The following LRRN1 variants were observed in gnomAD, a reference collection of about 807,000 sequenced individuals.
LRRN1 encodes leucine-rich repeat neuronal protein 1.
LRRN1 carries 14 observed loss-of-function variants against 45.8 expected under a neutral mutation model. The ratio of observed to expected loss-of-function variants is 0.31; its 90% CI spans 0.20 to 0.48. The LOEUF is 0.48. Ranked by LOEUF, LRRN1 falls within the 20% of genes least tolerant of loss-of-function variation. LRRN1 has a pLI of 0.99. For synonymous variants in LRRN1, 359 were observed against 330.1 expected, an observed-to-expected ratio of 1.09 and a Z score of -0.95; for missense variants, 789 against 874.2, an observed-to-expected ratio of 0.90 and a Z score of 1.23.
At chr3:3,829,987 A>G (rs1323743563) in intron 1 of LRRN1, among the ~76,000 whole-genome samples, 3 of 152,080 alleles carry the variant, frequency 2.0e-5, no homozygotes, top group Non-Finnish European at 1.5e-5. Flanking sequence ...CAAATTGGGC[A>G]CTCAGCAGTG....
At chr3:3,802,949 G>T (rs374424343) in intron 1 of LRRN1, among the ~76,000 whole-genome samples, 2 of 152,074 alleles carry the variant, frequency 1.3e-5, no homozygotes, top group East Asian at 3.9e-4. Context: ...TGAAAGGACA[G>T]ATTAGAACTC....
At chr3:3,828,148 A>G (rs1443119352) in intron 1 of LRRN1, among the ~76,000 whole-genome samples, 1 of 145,090 alleles carries the variant, frequency 6.9e-6, no homozygotes, top group Non-Finnish European at 1.5e-5. Context: ...ATATATATAT[A>G]TATATTATAT....
At chr3:3,812,730 G>A (rs1238967013) in intron 1 of LRRN1, among the ~76,000 whole-genome samples, 2 of 151,280 alleles carry the variant, frequency 1.3e-5, no homozygotes, top group African/African-American at 2.4e-5. Context: ...CATATGCCAA[G>A]TCGGGCACAC....
At chr3:3,832,819 T>C (rs1238574880) in intron 1 of LRRN1, among the ~76,000 whole-genome samples, 1 of 152,238 alleles carries the variant, frequency 6.6e-6, no homozygotes, top group African/African-American at 2.4e-5. Context: ...GTTTTCTGTT[T>C]GTGTAATTTA....
rs1421418001 is a variant in LRRN1, at chr3:3,845,571, C to G, written c.930C>G (p.Asn310Lys). The G allele has an allele frequency of 3.1e-6, 5 of 1,614,112 alleles. No individual in the cohort carries two copies. Among genetic ancestry groups the G allele is most frequent in the Admixed American group, 1.7e-5 (1 of 60,016 alleles). The change falls in exon 2 of 2, where the codon AAC (asparagine) becomes AAG (lysine). Residue 310 changes from asparagine to lysine, a missense_variant. Asn to Lys is a moderately conservative substitution (Grantham distance 94, BLOSUM62 0). Transcript: ENST00000319331. This position sits in a 1 kb window ranked among gnomAD's most constrained non-coding sequence, Gnocchi z 6.5. ...CTGTCGACCGCTATGCCCTGGATAA[C>G]TTGCCTGAACTCACAAAGCTGGAAG... ...LVSVDRYALD[N>K]LPELTKLEAT...
intron 1 of LRRN1, among the ~76,000 whole-genome samples, chr3:3,835,833 T>A (rs1249355116): frequency 6.6e-6 from 1 of 151,448 alleles, no homozygotes; most frequent in Non-Finnish European, 1.5e-5. Flanking sequence ...AATTTTATAC[T>A]CAGAACAGAG....
chr3:3,821,728 T>C (rs1020299534), intron 1 of LRRN1, among the ~76,000 whole-genome samples: 2 of 152,178 alleles, frequency 1.3e-5, no homozygotes, highest in East Asian at 1.9e-4. Flanking sequence ...TTTTGCTAAA[T>C]TGCAAGGTTT....
rs184874250 is a variant in LRRN1, at chr3:3,816,026, C to T, written c.-279+16107C>T. 2.6e-4 allele frequency among the ~76,000 whole-genome samples: 39 copies of T among 152,180 alleles called. 1 individual carries two copies. In the East Asian group the frequency reaches 7.3e-3, roughly 29 times the overall value. ...GGTAAGCCAATAAAGATGATCTTATCATAGCATTGGATTCTTTTGTATTTT... is the reference window on the plus strand; with the variant it reads ...GGTAAGCCAATAAAGATGATCTTATTATAGCATTGGATTCTTTTGTATTTT... On this transcript the variant is annotated intron_variant, in intron 1 of 1. Transcript: ENST00000319331. This position sits in a 1 kb window ranked among gnomAD's most constrained non-coding sequence, Gnocchi z 4.0.
In LRRN1 at chr3:3,845,756, C is replaced by G; in HGVS notation, c.1115C>G (p.Pro372Arg). Reference protein sequence around the residue: ...NLREISIHSNPLRCDCVIHWI... With the variant: ...NLREISIHSNRLRCDCVIHWI... ...CGTGAGATCAGTATCCATAGCAATCCCCTCAGGTGTGACTGTGTGATCCAC... is the reference window on the plus strand; with the variant it reads ...CGTGAGATCAGTATCCATAGCAATCGCCTCAGGTGTGACTGTGTGATCCAC... The change falls in exon 2 of 2, where the codon CCC (proline) becomes CGC (arginine). Residue 372 changes from proline to arginine, a missense_variant. By Grantham distance (103) the Pro-to-Arg change is moderately radical. Coordinates refer to ENST00000319331, the MANE Select transcript of LRRN1 (RefSeq NM_020873.7). This position sits in a 1 kb window ranked among gnomAD's most constrained non-coding sequence, Gnocchi z 6.5. The G allele has an allele frequency of 6.2e-7, 1 of 1,614,078 alleles. No homozygotes were observed. Among genetic ancestry groups the G allele is most frequent in the South Asian group, 1.1e-5 (1 of 91,076 alleles).
At chr3:3,819,024 C>T (rs953047206) in intron 1 of LRRN1, among the ~76,000 whole-genome samples, 3 of 151,542 alleles carry the variant, frequency 2.0e-5, no homozygotes, top group Admixed American at 2.0e-4. Context: ...ACAAGAGTCT[C>T]ACTCTTTCAC....
At chr3:3,839,408 A>G (rs1335458260) in intron 1 of LRRN1, among the ~76,000 whole-genome samples, 3 of 152,148 alleles carry the variant, frequency 2.0e-5, no homozygotes, top group Non-Finnish European at 2.9e-5. Context: ...TACAGTATGT[A>G]TTGAAATCAA....
intron 1 of LRRN1, among the ~76,000 whole-genome samples, chr3:3,802,040 G>C (rs184696768): frequency 1.3e-5 from 2 of 152,320 alleles, no homozygotes; most frequent in Non-Finnish European, 2.9e-5. Context: ...AGCTGAGAAT[G>C]TCCACTGTCT....
chr3:3,844,633 C>G lies in LRRN1; in HGVS notation c.-9C>G. 4 of 1,600,394 alleles carry G rather than the reference C, an allele frequency of 2.5e-6. No homozygotes were observed. The highest frequency in any genetic ancestry group is 3.4e-6 in the Non-Finnish European group (4 of 1,171,854). ...GGTGTCAGGAGTTGAGCTTGCTCAG[C>G]AAGCCAGCATGGCTAGGATGAGCTT... On this transcript the variant is annotated 5_prime_UTR_variant, in exon 2 of 2. Transcript: ENST00000319331.
chr3:3,838,238 A>T (rs1693568281), intron 1 of LRRN1, among the ~76,000 whole-genome samples: 1 of 152,150 alleles, frequency 6.6e-6, no homozygotes, highest in Non-Finnish European at 1.5e-5. Context: ...TACACCTTAT[A>T]AAAAAACTAA....
intron 1 of LRRN1, among the ~76,000 whole-genome samples, chr3:3,838,535 GA>G (rs1693576896): frequency 6.6e-6 from 1 of 152,098 alleles, no homozygotes; most frequent in Admixed American, 6.6e-5. Context: ...AATTCTTTTG[GA>G]TATGTACCCT....
In LRRN1 at chr3:3,846,353, C is replaced by G; in HGVS notation, c.1712C>G (p.Thr571Ser). The G allele has an allele frequency of 6.2e-7, 1 of 1,613,820 alleles. No individual in the cohort carries two copies. The highest frequency in any genetic ancestry group is 1.3e-5 in the African/African-American group (1 of 75,070). ...ATTGATAACCCTCACATAACATATACTGCCAGGGTCCCAGTCGATGTCCAT... is the reference window on the plus strand; with the variant it reads ...ATTGATAACCCTCACATAACATATAGTGCCAGGGTCCCAGTCGATGTCCAT... ...MKIDNPHITY[T>S]ARVPVDVHEY... Residue 571 changes from threonine (T) to serine (S), a missense_variant, in exon 2 of 2, where the codon ACT (threonine) becomes AGT (serine). By Grantham distance (58) the Thr-to-Ser change is moderately conservative. Coordinates refer to ENST00000319331, the MANE Select transcript of LRRN1 (RefSeq NM_020873.7). The surrounding 1 kb of genome is among the most constrained non-coding windows in gnomAD (Gnocchi z 5.7).
chr3:3,800,267 G>A (rs985175023), intron 1 of LRRN1, among the ~76,000 whole-genome samples: 2 of 152,032 alleles, frequency 1.3e-5, no homozygotes, highest in Non-Finnish European at 2.9e-5. Flanking sequence ...GGAGGGAGGT[G>A]CCCGGGGACG....
At position 3,844,548 on chromosome 3, in the gene LRRN1, A is replaced by G. The variant is rs767278445; in HGVS notation, c.-94A>G. 2.1e-6 allele frequency: 2 copies of G among 951,642 alleles called. No homozygotes were observed. The highest frequency in any genetic ancestry group is 2.7e-5 in the Admixed American group (1 of 36,966). 58.9% of individuals were successfully genotyped at this position (951,642 alleles called of 1,614,324 possible). The stretch of plus-strand genomic sequence containing the variant: ...ACCAAGACTTTGCTTGAATGTTTAC[A>G]TTTTCTGCTCGCTGTCCTACATATC... On this transcript the variant is annotated 5_prime_UTR_variant, in exon 2 of 2. Transcript: ENST00000319331.
At chr3:3,838,142 C>G (rs1035257827) in intron 1 of LRRN1, among the ~76,000 whole-genome samples, 1 of 152,084 alleles carries the variant, frequency 6.6e-6, no homozygotes, top group Non-Finnish European at 1.5e-5. Flanking sequence ...CAAAAACAAG[C>G]AATGGGGAAA....
Sources: gnomAD v4.1 joint callset for allele counts (sites outside exome capture counted in the v4.1 genomes callset) on GRCh38, gnomAD v4.1.1 for gene constraint, Gnocchi (gnomAD v3.1) non-coding constraint, MANE v1.5 for transcripts, NCBI Gene and HGNC (gene_info 2026-07-23, HGNC 2026-07-21) for gene names.